The following TMEM230 variants were observed in gnomAD, a reference collection of about 807,000 sequenced individuals.
The protein encoded by TMEM230 is UPF0414 transmembrane protein C20orf30.
A neutral mutation model predicts 15.8 loss-of-function variants in TMEM230; 10 were observed. That is an observed-to-expected ratio of 0.63 (90% CI 0.39 to 1.07). The LOEUF (loss-of-function observed/expected upper bound fraction) is 1.07. Ranked by LOEUF, TMEM230 falls within the 50% of genes least tolerant of loss-of-function variation. The pLI is 0.01. For missense variants in TMEM230, 165 were observed against 193.3 expected (o/e 0.85, Z 0.87); for synonymous variants, 67 against 76.9 (o/e 0.87, Z 0.68).
At chr20:5,102,470 C>T (rs190099928) in intron 4 of TMEM230, among the ~76,000 whole-genome samples, 15 of 152,130 alleles carry the variant, frequency 9.9e-5, no homozygotes, top group East Asian at 3.9e-4. Flanking sequence ...GCAGGCAGAT[C>T]GCTTGAGCTC....
exon 4 of TMEM230, chr20:5,069,070 TAGG>T: frequency 1.1e-6 from 1 of 883,388 alleles, no homozygotes. Flanking sequence ...CTGCTCTTAG[TAGG>T]AGAAGCTCTC....
chr20:5,061,856 T>C, the TMEM230 span, among the ~76,000 whole-genome samples: 1 of 152,166 alleles, frequency 6.6e-6, no homozygotes, highest in African/African-American at 2.4e-5. Flanking sequence ...AACAGGTACC[T>C]GGTGTTCTTA....
intron 4 of TMEM230, among the ~76,000 whole-genome samples, chr20:5,101,852 T>C (rs997113272): frequency 5.9e-5 from 9 of 152,222 alleles, no homozygotes; most frequent in Non-Finnish European, 8.8e-5. Context: ...AGGTTTCATA[T>C]TGAAGCTCAA....
intron 3 of TMEM230, among the ~76,000 whole-genome samples, chr20:5,080,481 T>C (rs1369219982): frequency 6.6e-6 from 1 of 152,138 alleles, no homozygotes; most frequent in Non-Finnish European, 1.5e-5. Flanking sequence ...GCGTGTTCAG[T>C]GCCTACTGGC....
intron 4 of TMEM230, among the ~76,000 whole-genome samples, chr20:5,105,980 C>T (rs544334066): frequency 2.6e-5 from 4 of 152,016 alleles, no homozygotes; most frequent in South Asian, 4.2e-4. Context: ...GTGAGAGGAT[C>T]GCTTGAGCCC....
chr20:5,060,537 C>T, the TMEM230 span, among the ~76,000 whole-genome samples: 9 of 151,602 alleles, frequency 5.9e-5, no homozygotes, highest in South Asian at 2.1e-4. Context: ...GGATTTCACC[C>T]GGTTAGCCAG....
intron 4 of TMEM230, 96 bp from the exon 4 acceptor site, chr20:5,101,027 C>CCTG: frequency 7.2e-7 from 1 of 1,387,540 alleles, no homozygotes; most frequent in Admixed American, 2.9e-5. Context: ...GTATTTTATA[C>CCTG]TCTTCAGTAC....
At chr20:5,071,399 C>CCG (rs2088818806) in intron 3 of TMEM230, among the ~76,000 whole-genome samples, 1 of 151,784 alleles carries the variant, frequency 6.6e-6, no homozygotes. Context: ...CCGAGGCAGG[C>CCG]AGATCACCTC....
chr20:5,072,275 C>T (rs1269280885), intron 3 of TMEM230, among the ~76,000 whole-genome samples: 1 of 151,876 alleles, frequency 6.6e-6, no homozygotes, highest in Non-Finnish European at 1.5e-5. Flanking sequence ...TAGTGTTGAA[C>T]TCCTGGCCTC....
downstream of TMEM230, among the ~76,000 whole-genome samples, chr20:5,098,804 G>T (rs1030290518): frequency 6.1e-5 from 9 of 148,486 alleles, no homozygotes; most frequent in Non-Finnish European, 1.3e-4. Context: ...AAATAGAATT[G>T]GGGGGGGGAA....
chr20:5,065,405 C>T (rs894033625), downstream of TMEM230, among the ~76,000 whole-genome samples: 1 of 152,204 alleles, frequency 6.6e-6, no homozygotes, highest in Admixed American at 6.5e-5. Flanking sequence ...GGGATGGGAA[C>T]AGAGAAATCT....
chr20:5,068,932 G>C (rs959895597), exon 4 of TMEM230: 1 of 406,278 alleles, frequency 2.5e-6, no homozygotes, highest in African/African-American at 2.1e-5. Flanking sequence ...CAGGAACAGA[G>C]GTGGGGCCAT....
chr20:5,086,487 C>T (rs1224756805), intron 3 of TMEM230, among the ~76,000 whole-genome samples: 7 of 139,110 alleles, frequency 5.0e-5, no homozygotes, highest in African/African-American at 1.6e-4. Context: ...TGCAGTAAGA[C>T]GAGATCACGC....
downstream of TMEM230, among the ~76,000 whole-genome samples, chr20:5,098,023 G>C (rs1188897297): frequency 2.2e-5 from 3 of 133,796 alleles, no homozygotes; most frequent in Non-Finnish European, 3.1e-5. Context: ...TGTTGCCCAG[G>C]CTGGAGTGCA....
At chr20:5,064,413 T>C (rs763350772), downstream of TMEM230, among the ~76,000 whole-genome samples, 5 of 149,804 alleles carry the variant, frequency 3.3e-5, no homozygotes, top group Non-Finnish European at 5.9e-5. Flanking sequence ...CCCATCTCTA[T>C]TAAAAACACA....
At chr20:5,093,163 A>T (rs2089557458) in intron 3 of TMEM230, among the ~76,000 whole-genome samples, 1 of 152,256 alleles carries the variant, frequency 6.6e-6, no homozygotes, top group Non-Finnish European at 1.5e-5. Flanking sequence ...TTAACATATA[A>T]AAATCAGTAG....
intron 3 of TMEM230, among the ~76,000 whole-genome samples, chr20:5,094,430 CAGGCAT>C (rs1308029274): frequency 6.6e-6 from 1 of 151,548 alleles, no homozygotes; most frequent in African/African-American, 2.4e-5. Context: ...AATTTTTGGC[CAGGCAT>C]GGTGGCTCAC....
intron 3 of TMEM230, among the ~76,000 whole-genome samples, chr20:5,094,544 T>C (rs1332785924): frequency 6.6e-6 from 1 of 151,316 alleles, no homozygotes; most frequent in Admixed American, 6.6e-5. Context: ...CCATCTCTAC[T>C]AAAAATACAA....
At chr20:5,106,032 C>A (rs1254657297) in intron 4 of TMEM230, among the ~76,000 whole-genome samples, 156 bp downstream of exon 3, 1 of 151,310 alleles carries the variant, frequency 6.6e-6, no homozygotes, top group East Asian at 1.9e-4. Context: ...GCTTGGATGA[C>A]AGAGCAAGAC....
Sources: gnomAD v4.1 joint callset for allele counts (sites outside exome capture counted in the v4.1 genomes callset) on GRCh38, gnomAD v4.1.1 for gene constraint, MANE v1.5 for transcripts, NCBI Gene and HGNC (gene_info 2026-07-23, HGNC 2026-07-21) for gene names.